CHLSN: variants seen among roughly 807,000 people sequenced by gnomAD.
CHLSN encodes protein cholesin.
the CHLSN span, among the ~76,000 whole-genome samples, chr7:1,098,292 G>A: frequency 9.9e-5 from 15 of 152,154 alleles, no homozygotes; most frequent in African/African-American, 2.9e-4. Context: ...TCAAAGAACC[G>A]GAAACATGCA....
the CHLSN span, chr7:986,439 G>T: frequency 1.5e-6 from 1 of 661,948 alleles, no homozygotes. Context: ...GACACGGACA[G>T]GGGGTTTCCT....
the CHLSN span, among the ~76,000 whole-genome samples, chr7:994,310 A>G: frequency 9.1e-4 from 139 of 151,966 alleles, 3 homozygotes; most frequent in Admixed American, 2.7e-3. Flanking sequence ...ACAGGCGCCC[A>G]CCACCACACC....
At chr7:1,085,205 GA>G in the CHLSN span, among the ~76,000 whole-genome samples, 1 of 152,224 alleles carries the variant, frequency 6.6e-6, no homozygotes, top group African/African-American at 2.4e-5. Context: ...AATAAGCAAT[GA>G]TCAGATGAAA....
At chr7:987,650 C>T in the CHLSN span, 82,720 of 1,023,116 alleles carry the variant, frequency 0.081, 3,963 homozygotes, top group South Asian at 0.13. Flanking sequence ...GCTCCCCGAC[C>T]GGAGGCAATA....
At chr7:1,049,995 C>G in the CHLSN span, among the ~76,000 whole-genome samples, 1 of 152,226 alleles carries the variant, frequency 6.6e-6, no homozygotes, top group East Asian at 1.9e-4. Flanking sequence ...TGTCGGCCCC[C>G]AAAGCTCAGG....
chr7:1,053,041 C>T, the CHLSN span, among the ~76,000 whole-genome samples: 138 of 152,320 alleles, frequency 9.1e-4, 1 homozygote, highest in Non-Finnish European at 9.7e-4. Context: ...GCATGGCTGA[C>T]GGGAAAGAAG....
the CHLSN span, among the ~76,000 whole-genome samples, chr7:1,116,830 C>T: frequency 4.9e-5 from 3 of 61,480 alleles, 1 homozygote; most frequent in Non-Finnish European, 8.4e-5. Flanking sequence ...CTTCCATCAC[C>T]GACGCCCACG....
chr7:1,090,358 C>T, the CHLSN span, among the ~76,000 whole-genome samples: 64 of 152,384 alleles, frequency 4.2e-4, no homozygotes, highest in African/African-American at 1.5e-3. Context: ...TAGAGAACTT[C>T]CAGGAGCACA....
the CHLSN span, chr7:1,000,572 A>G: frequency 6.3e-7 from 1 of 1,586,756 alleles, no homozygotes; most frequent in Admixed American, 1.7e-5. Flanking sequence ...AAAGACAAAC[A>G]TCTCAGGGTG....
At chr7:985,012 C>G in the CHLSN span, 1 of 1,611,826 alleles carries the variant, frequency 6.2e-7, no homozygotes, top group Middle Eastern at 1.7e-4. Flanking sequence ...GCGTGCCCTG[C>G]ACAGCCTGGG....
the CHLSN span, among the ~76,000 whole-genome samples, chr7:1,094,011 G>A: frequency 1.3e-5 from 2 of 152,216 alleles, no homozygotes; most frequent in Admixed American, 6.5e-5. Context: ...TGCCGTGGGG[G>A]CACTTCTGTG....
At chr7:1,019,125 C>CAGAGGTTGCA in the CHLSN span, among the ~76,000 whole-genome samples, 1 of 138,404 alleles carries the variant, frequency 7.2e-6, no homozygotes, top group East Asian at 2.1e-4. Context: ...CCGCGGGGGG[C>CAGAGGTTGCA]AGAGGTTGCA....
the CHLSN span, among the ~76,000 whole-genome samples, chr7:1,054,709 C>T: frequency 6.6e-6 from 1 of 152,206 alleles, no homozygotes; most frequent in Non-Finnish European, 1.5e-5. Context: ...TGGCCCCACG[C>T]GGTTCCACCT....
the CHLSN span, chr7:1,024,941 G>A: frequency 6.6e-6 from 1 of 152,278 alleles, no homozygotes; most frequent in Non-Finnish European, 1.5e-5. Context: ...AGACGACCCC[G>A]GGGCGCTGGG....
chr7:1,079,433 C>T, the CHLSN span, among the ~76,000 whole-genome samples: 1 of 152,210 alleles, frequency 6.6e-6, no homozygotes, highest in Non-Finnish European at 1.5e-5. Context: ...GAAAGACAAG[C>T]GCAGGTCTGG....
At chr7:1,101,613 G>A in the CHLSN span, among the ~76,000 whole-genome samples, 4 of 152,192 alleles carry the variant, frequency 2.6e-5, no homozygotes, top group African/African-American at 4.8e-5. Context: ...CAGCCTCCGC[G>A]CAGCCGCCCA....
chr7:1,007,773 G>A, the CHLSN span, among the ~76,000 whole-genome samples: 1 of 152,170 alleles, frequency 6.6e-6, no homozygotes, highest in Admixed American at 6.5e-5. Context: ...AGCATGAGGG[G>A]GCCACGGGAA....
At chr7:1,043,911 A>T in the CHLSN span, 1 of 152,278 alleles carries the variant, frequency 6.6e-6, no homozygotes, top group South Asian at 2.1e-4. Context: ...TTAGATCCTG[A>T]ACCAGAATGT....
the CHLSN span, among the ~76,000 whole-genome samples, chr7:1,107,205 GCCGCTTAGCCCTGT>G: frequency 6.6e-6 from 1 of 152,168 alleles, no homozygotes; most frequent in African/African-American, 2.4e-5. Context: ...CGGAAAAACT[GCCGCTTAGCCCTGT>G]CTGCAACCCA....
Sources: allele counts gnomAD v4.1 joint callset (sites outside exome capture counted in the v4.1 genomes callset), GRCh38; gene constraint gnomAD v4.1.1; transcripts MANE v1.5; gene names NCBI Gene and HGNC (gene_info 2026-07-23, HGNC 2026-07-21).